The following GRIK3 variants were observed in gnomAD, a reference collection of about 807,000 sequenced individuals.
GRIK3 encodes glutamate ionotropic receptor kainate type subunit 3.
Under a neutral mutation model 102.5 loss-of-function variants are expected in GRIK3, and 29 were observed. The ratio of observed to expected loss-of-function variants is 0.28; its 90% confidence interval spans 0.21 to 0.39. The LOEUF (loss-of-function observed/expected upper bound fraction) is 0.39. Among genes scored for constraint, GRIK3 ranks in the 10% least tolerant of loss-of-function variants. The pLI, the probability that GRIK3 is intolerant of heterozygous loss-of-function variation, is 1.00. For synonymous variants in GRIK3, 511 were observed against 504.9 expected (o/e 1.01, Z -0.16); for missense variants, 908 against 1,252.4 (o/e 0.73, Z 4.15).
Position 36,850,212 on chromosome 1 carries a change from C to G in GRIK3, c.1326+99G>C. On this transcript the variant is annotated intron_variant, in intron 9 of 15. Coordinates refer to ENST00000373091, the MANE Select transcript of GRIK3 (RefSeq NM_000831.4). The surrounding 1 kb of genome is among the most constrained non-coding windows in gnomAD (Gnocchi z 4.0). ...AAAGTCTCCACCTACCTGCAGCCTC[C>G]ATCTTCTGGGTGGGGGGGATAGAGG... The G allele has an allele frequency of 1.3e-6, 1 of 749,576 alleles. No homozygotes were observed. The highest frequency in any genetic ancestry group is 1.5e-5 in the South Asian group (1 of 66,786). 46.4% of individuals were successfully genotyped at this position (749,576 alleles called of 1,614,324 possible). A position where few individuals can be genotyped will look rare whatever the true frequency, so the allele number is the denominator to read the frequency against.
intron 3 of GRIK3, among the ~76,000 whole-genome samples, chr1:36,875,710 A>C (rs1640905830): frequency 6.6e-6 from 1 of 152,264 alleles, no homozygotes; most frequent in Non-Finnish European, 1.5e-5. Context: ...TGAGTGATCC[A>C]GGTGAACCCA....
chr1:37,028,109 G>A (rs59729868), intron 1 of GRIK3, among the ~76,000 whole-genome samples: 46,450 of 152,046 alleles, frequency 0.31, 7,676 homozygotes, highest in East Asian at 0.54. Flanking sequence ...ACTAAGGAAG[G>A]AAAACGGGAA....
chr1:36,977,477 G>T (rs528014159), intron 1 of GRIK3, among the ~76,000 whole-genome samples: 2 of 152,340 alleles, frequency 1.3e-5, no homozygotes, highest in African/African-American at 4.8e-5. Flanking sequence ...GCTTGAGCTT[G>T]GCAGGCAGTA....
intron 1 of GRIK3, among the ~76,000 whole-genome samples, chr1:37,030,541 C>CT (rs1642814620): frequency 1.8e-5 from 2 of 110,820 alleles, no homozygotes; most frequent in African/African-American, 4.7e-5. Context: ...CCCCACCCCC[C>CT]ACCCCCTCCC....
At chr1:36,980,188 A>G (rs78304084) in intron 1 of GRIK3, among the ~76,000 whole-genome samples, 77 of 152,194 alleles carry the variant, frequency 5.1e-4, no homozygotes, top group African/African-American at 1.8e-3. Context: ...AAAAATGCAA[A>G]CCTGATCAGG....
At chr1:36,997,046 G>C (rs1341873572) in intron 1 of GRIK3, among the ~76,000 whole-genome samples, 1 of 152,196 alleles carries the variant, frequency 6.6e-6, no homozygotes, top group African/African-American at 2.4e-5. Flanking sequence ...GAGAAGGCTG[G>C]TTCTAGGGAC....
intron 1 of GRIK3, among the ~76,000 whole-genome samples, chr1:37,000,546 T>A (rs1642466866): frequency 6.6e-6 from 1 of 152,184 alleles, no homozygotes; most frequent in Non-Finnish European, 1.5e-5. Context: ...ACACAGCCAC[T>A]TGCCAGGCAC....
intron 1 of GRIK3, among the ~76,000 whole-genome samples, chr1:36,942,441 T>C (rs553311813): frequency 7.2e-5 from 11 of 152,138 alleles, no homozygotes; most frequent in Non-Finnish European, 1.0e-4. Context: ...TTGAAACACG[T>C]TTTCAGTGAA....
At chr1:36,990,715 G>C (rs566263454) in intron 1 of GRIK3, among the ~76,000 whole-genome samples, 5 of 152,328 alleles carry the variant, frequency 3.3e-5, no homozygotes, top group African/African-American at 9.6e-5. Context: ...TATAGATGCA[G>C]TCACAAGGGG....
In GRIK3 at chr1:36,806,546, G is replaced by A. The variant is rs1553173181; in HGVS notation, c.2092-220C>T. On this transcript the variant is annotated intron_variant, in intron 13 of 15. Transcript: ENST00000373091. This position sits in a 1 kb window ranked among gnomAD's most constrained non-coding sequence, Gnocchi z 4.0. ...TGATAAAACGGAAATGTAGACTCAG[G>A]CCTGCTTCCTGGAAACCCTGGCCAT... Among the ~76,000 whole-genome samples the A allele has an allele frequency of 6.6e-6, 1 of 152,118 alleles. No homozygotes were observed. The highest frequency in any genetic ancestry group is 1.5e-5 in the Non-Finnish European group (1 of 68,022).
intron 1 of GRIK3, among the ~76,000 whole-genome samples, chr1:37,006,481 C>T (rs1055136854): frequency 1.3e-5 from 2 of 152,240 alleles, no homozygotes; most frequent in Non-Finnish European, 2.9e-5. Context: ...GCCTGATGGG[C>T]CCTTGGAGCT....
chr1:36,901,463 G>A (rs1233826917), intron 1 of GRIK3, among the ~76,000 whole-genome samples: 1 of 152,162 alleles, frequency 6.6e-6, no homozygotes, highest in Non-Finnish European at 1.5e-5. Context: ...AACAGATGCA[G>A]AAAATGCATT....
At chr1:36,858,579 G>T (rs1335465365) in intron 7 of GRIK3, among the ~76,000 whole-genome samples, 1 of 152,186 alleles carries the variant, frequency 6.6e-6, no homozygotes, top group Non-Finnish European at 1.5e-5. Context: ...AGGAGAGGTG[G>T]GTCCCAGTGG....
chr1:36,856,331 G>A (rs1237158065), intron 7 of GRIK3, among the ~76,000 whole-genome samples: 1 of 152,206 alleles, frequency 6.6e-6, no homozygotes, highest in Non-Finnish European at 1.5e-5. Context: ...GTGGGCGGGT[G>A]GACAGGGCAG....
chr1:36,947,069 G>A (rs1641792331), intron 1 of GRIK3, among the ~76,000 whole-genome samples: 1 of 152,078 alleles, frequency 6.6e-6, no homozygotes, highest in South Asian at 2.1e-4. Flanking sequence ...AGGGAAAAGA[G>A]GACATGGGGG....
intron 1 of GRIK3, among the ~76,000 whole-genome samples, chr1:36,936,481 G>A (rs551503118): frequency 6.6e-6 from 1 of 152,222 alleles, no homozygotes. Flanking sequence ...GTTAGAGCCA[G>A]TATGAGTTTG....
chr1:36,925,614 A>G (rs1416044382), intron 1 of GRIK3, among the ~76,000 whole-genome samples: 1 of 152,252 alleles, frequency 6.6e-6, no homozygotes, highest in Non-Finnish European at 1.5e-5. Flanking sequence ...TGGCCCTCCC[A>G]GGGCCTGGGG....
chr1:36,969,081 A>C (rs752100475), intron 1 of GRIK3, among the ~76,000 whole-genome samples: 15 of 152,324 alleles, frequency 9.8e-5, no homozygotes, highest in Non-Finnish European at 1.9e-4. Context: ...GGCTCCCAAG[A>C]CAAAGCAACC....
chr1:36,827,765 A>C (rs1018959283), intron 10 of GRIK3, among the ~76,000 whole-genome samples: 17 of 152,162 alleles, frequency 1.1e-4, no homozygotes, highest in African/African-American at 3.9e-4. Context: ...GCTTCTGGAC[A>C]GCTCTGCAGG....
Sources: allele counts gnomAD v4.1 joint callset (sites outside exome capture counted in the v4.1 genomes callset), GRCh38; gene constraint gnomAD v4.1.1; non-coding constraint Gnocchi (gnomAD v3.1); transcripts MANE v1.5; gene names NCBI Gene and HGNC (gene_info 2026-07-23, HGNC 2026-07-21).